The following GALNT15 variants were observed in gnomAD, a reference collection of about 807,000 sequenced individuals.
GALNT15 encodes the protein UDP-GalNAc transferase T15.
GALNT15 carries 67 observed loss-of-function variants against 66.8 expected under a neutral mutation model. The observed-to-expected ratio is 1.00, with a 90% CI of 0.82 to 1.23. GALNT15 has a LOEUF of 1.23. GALNT15 is among the 50% of genes most tolerant of loss of function. The pLI is 0.00. For synonymous variants in GALNT15, 313 were observed against 311.5 expected (o/e 1.00, Z -0.05); for missense variants, 827 against 804.3 (o/e 1.03, Z -0.34).
chr3:16,229,030 C>G lies in GALNT15; in HGVS notation c.*1530C>G. On this transcript the variant is annotated 3_prime_UTR_variant, in exon 10 of 10. Transcript: ENST00000339732. Reference sequence around the variant, plus strand: ...GTTCTGCTATTTAATAAACAGCATTCATATTCATTTTTCCCCAGATGGAGT... The same window carrying G: ...GTTCTGCTATTTAATAAACAGCATTGATATTCATTTTTCCCCAGATGGAGT... 2 of 985,432 alleles carry G rather than the reference C, an allele frequency of 2.0e-6. No individual in the cohort carries two copies. Among genetic ancestry groups the G allele is most frequent in the Non-Finnish European group, 2.4e-6 (2 of 829,940 alleles). 61.0% of individuals were successfully genotyped at this position (985,432 alleles called of 1,614,324 possible).
intron 9 of GALNT15, among the ~76,000 whole-genome samples, chr3:16,226,647 A>G (rs1430890547): frequency 6.6e-6 from 1 of 152,208 alleles, no homozygotes; most frequent in East Asian, 1.9e-4. Flanking sequence ...ATCACCTCCC[A>G]CCAGGCCCCT....
At position 16,219,427 on chromosome 3, in the gene GALNT15, C is replaced by G. The variant is rs151035454; in HGVS notation, c.1417C>G (p.Arg473Gly). 1 of 1,614,130 alleles carries G rather than the reference C, an allele frequency of 6.2e-7. No individual in the cohort carries two copies. Among genetic ancestry groups the G allele is most frequent in the Non-Finnish European group, 8.5e-7 (1 of 1,179,990 alleles). ...GGCTGAGAAGCCAGACTGCATGGAA[C>G]GCTTGCAGCTGCAAAGGAGACTGGG... ...SKAEKPDCMERLQLQRRLGCR... is the reference protein window; with the variant it reads ...SKAEKPDCMEGLQLQRRLGCR... The change falls in exon 7 of 10, where the codon CGC becomes GGC. Residue 473 changes from arginine (R) to glycine (G), a missense_variant. Coordinates refer to ENST00000339732, the MANE Select transcript of GALNT15 (RefSeq NM_054110.5). This position sits in a 1 kb window ranked among gnomAD's most constrained non-coding sequence, Gnocchi z 4.3.
chr3:16,195,634 G>A lies in GALNT15; in HGVS notation c.540-126G>A, dbSNP rs910842799. On this transcript the variant is annotated intron_variant, in intron 1 of 9. Coordinates refer to ENST00000339732, the MANE Select transcript of GALNT15 (RefSeq NM_054110.5). The surrounding 1 kb of genome is among the most constrained non-coding windows in gnomAD (Gnocchi z 4.6). ...GGTTCTTTTTATATGGGAATTTTAA[G>A]AGATCCCATAGGACAGCCATATAAT... is the stretch of plus-strand genomic sequence containing the variant. 7 of 688,696 alleles carry A rather than the reference G, an allele frequency of 1.0e-5. No homozygotes were observed. The highest frequency in any genetic ancestry group is 2.8e-5 in the Admixed American group (1 of 36,252). 42.7% of individuals were successfully genotyped at this position (688,696 alleles called of 1,614,324 possible). A position where few individuals can be genotyped will look rare whatever the true frequency, so the allele number is the denominator to read the frequency against.
Position 16,208,557 on chromosome 3 carries a change from T to C in GALNT15, c.966T>C (p.Tyr322=), listed in dbSNP as rs1271803841. The stretch of plus-strand genomic sequence containing the variant: ...TGATTGACTGGAAGACTTTCCAGTA[T>C]TACCCCTCAAAGGACCTGCAGCGTG... The part of the protein sequence containing the change: ...IDVIDWKTFQ[Y]YPSKDLQRGV... The change falls in exon 4 of 10, where the codon TAT becomes TAC. Residue 322 remains tyrosine (Y), a synonymous_variant. Transcript: ENST00000339732. The C allele has an allele frequency of 6.2e-7, 1 of 1,614,130 alleles. No homozygotes were observed. The highest frequency in any genetic ancestry group is 1.7e-5 in the Admixed American group (1 of 60,022).
rs2063808184 is a variant in GALNT15, at chr3:16,211,062, C to G, written c.1080-62C>G. 1.6e-6 allele frequency: 2 copies of G among 1,277,064 alleles called. No individual in the cohort carries two copies. Among genetic ancestry groups the G allele is most frequent in the Non-Finnish European group, 2.3e-6 (2 of 877,628 alleles). The allele number at this position is 1,277,064 out of a possible 1,614,324, so 79.1% of individuals were successfully genotyped here. ...CTCCCACCTGGGAAGCCCCAGCCCC[C>G]AGCCTCGCCTGCTGTGCTCTGGGTT... On this transcript the variant is annotated intron_variant, in intron 4 of 9. Coordinates refer to ENST00000339732, the MANE Select transcript of GALNT15 (RefSeq NM_054110.5). This position sits in a 1 kb window ranked among gnomAD's most constrained non-coding sequence, Gnocchi z 4.3.
downstream of GALNT15, among the ~76,000 whole-genome samples, chr3:16,230,872 C>A (rs533326640): frequency 2.6e-5 from 4 of 152,284 alleles, 1 homozygote; most frequent in African/African-American, 9.6e-5. The surrounding 1 kb of genome is among the most constrained non-coding windows in gnomAD (Gnocchi z 4.5). Context: ...TTCCAGAATT[C>A]TAGACCCCTC....
rs896271130 is a variant in GALNT15 at position 16,189,877 on chromosome 3, G to A, written c.540-5883G>A. Among the ~76,000 whole-genome samples, 4 of 152,224 alleles carry A rather than the reference G, an allele frequency of 2.6e-5. No individual in the cohort carries two copies. The highest frequency in any genetic ancestry group is 2.1e-4 in the South Asian group (1 of 4,832). The stretch of plus-strand genomic sequence containing the variant: ...TGAGAAATGAGAATTAGTGACTGAA[G>A]TATAACTGAGTCTGTTGGTCTGGAG... On this transcript the variant is annotated intron_variant, in intron 1 of 9. Coordinates refer to ENST00000339732, the MANE Select transcript of GALNT15 (RefSeq NM_054110.5). This position sits in a 1 kb window ranked among gnomAD's most constrained non-coding sequence, Gnocchi z 5.1.
At chr3:16,233,999 C>A (rs1426944681), downstream of GALNT15, among the ~76,000 whole-genome samples, 1 of 152,132 alleles carries the variant, frequency 6.6e-6, no homozygotes, top group Non-Finnish European at 1.5e-5. Flanking sequence ...TTCATAGAGG[C>A]AAGTATAGGG....
intron 6 of GALNT15, 61 bp downstream of exon 6, chr3:16,212,824 C>T: frequency 7.0e-7 from 1 of 1,433,182 alleles, no homozygotes; most frequent in Non-Finnish European, 9.6e-7. Flanking sequence ...AGGAGGTGGG[C>T]CAGGGAGGGC....
In GALNT15 at chr3:16,188,389, T is replaced by C. The variant is rs2063539320; in HGVS notation, c.540-7371T>C. ...TGGATTAGTGGTCAACATTTAAAAA[T>C]TAAGATATTTCCCAGAAACAGTTCA... is the stretch of plus-strand genomic sequence containing the variant. On this transcript the variant is annotated intron_variant, in intron 1 of 9. Coordinates refer to ENST00000339732, the MANE Select transcript of GALNT15 (RefSeq NM_054110.5). The surrounding 1 kb of genome is among the most constrained non-coding windows in gnomAD (Gnocchi z 4.6). 6.6e-6 allele frequency among the ~76,000 whole-genome samples: 1 copy of C among 152,178 alleles called. No homozygotes were observed. The highest frequency in any genetic ancestry group is 1.5e-5 in the Non-Finnish European group (1 of 68,032).
chr3:16,195,904 C>G lies in GALNT15; in HGVS notation c.684C>G (p.Leu228=). ...VPRAFLKEII[L]VDDLSQQGQL... is the part of the protein sequence containing the mutation. Reference sequence around the variant, plus strand: ...GGGCCTTCCTGAAGGAGATCATCCTCGTGGACGACCTCAGCCAGCAAGGTA... The same window carrying G: ...GGGCCTTCCTGAAGGAGATCATCCTGGTGGACGACCTCAGCCAGCAAGGTA... The change falls in exon 2 of 10, where the codon CTC becomes CTG. Residue 228 remains leucine (L), a synonymous_variant. Transcript: ENST00000339732. The surrounding 1 kb of genome is among the most constrained non-coding windows in gnomAD (Gnocchi z 4.6). The G allele has an allele frequency of 6.2e-7, 1 of 1,614,108 alleles. No homozygotes were observed. Among genetic ancestry groups the G allele is most frequent in the African/African-American group, 1.3e-5 (1 of 75,050 alleles).
the GALNT15 span, among the ~76,000 whole-genome samples, chr3:16,242,640 A>G: frequency 0.45 from 68,758 of 151,788 alleles, 15,865 homozygotes; most frequent in East Asian, 0.66. The surrounding 1 kb of genome is among the most constrained non-coding windows in gnomAD (Gnocchi z 5.6). Context: ...ATACCTAGGC[A>G]TTGTAGCACA....
chr3:16,232,469 AATATATATATATATATATATATAT>A (rs374444719), downstream of GALNT15, among the ~76,000 whole-genome samples: 51 of 38,754 alleles, frequency 1.3e-3, 5 homozygotes, highest in South Asian at 0.048. Flanking sequence ...TAAATAAATA[AATATATATATATATATATATATAT>A]ATATATATAT....
intron 6 of GALNT15, among the ~76,000 whole-genome samples, chr3:16,215,799 G>T (rs1033269179): frequency 4.0e-5 from 6 of 151,602 alleles, no homozygotes; most frequent in African/African-American, 1.5e-4. Flanking sequence ...AGTCACAGGT[G>T]CTCAGGAGGC....
rs561019752 is a variant in GALNT15 at position 16,195,603 on chromosome 3, G to A, written c.540-157G>A. Among the ~76,000 whole-genome samples, 12 of 152,302 alleles carry A rather than the reference G, an allele frequency of 7.9e-5. No homozygotes were observed. The highest frequency in any genetic ancestry group is 2.1e-4 in the South Asian group (1 of 4,818). On this transcript the variant is annotated intron_variant, in intron 1 of 9. Coordinates refer to ENST00000339732, the MANE Select transcript of GALNT15 (RefSeq NM_054110.5). The surrounding 1 kb of genome is among the most constrained non-coding windows in gnomAD (Gnocchi z 4.6). ...ATAGTAGACAGCACCACTATGAGGC[G>A]TAACAGGTTCTTTTTATATGGGAAT...
Position 16,230,078 on chromosome 3 carries a change from C to T in GALNT15, c.*2578C>T, listed in dbSNP as rs1459391646. Among the ~76,000 whole-genome samples, 1 of 152,050 alleles carries T rather than the reference C, an allele frequency of 6.6e-6. No individual in the cohort carries two copies. Among genetic ancestry groups the T allele is most frequent in the African/African-American group, 2.4e-5 (1 of 41,384 alleles). On this transcript the variant is annotated 3_prime_UTR_variant, in exon 10 of 10. Transcript: ENST00000339732. The surrounding 1 kb of genome is among the most constrained non-coding windows in gnomAD (Gnocchi z 4.5). ...ACTTGTCAGTTGAGAGATCTGATTC[C>T]CAAGAGATTGGTTTCACTTGTCTAC...
chr3:16,194,172 G>A (rs947335787), intron 1 of GALNT15, among the ~76,000 whole-genome samples: 1 of 152,174 alleles, frequency 6.6e-6, no homozygotes, highest in Non-Finnish European at 1.5e-5. Context: ...TTCCTTATCT[G>A]TAAAATGGGA....
chr3:16,208,623 G>GC lies in GALNT15; in HGVS notation c.1034dup (p.Glu346ArgfsTer38). ...AGCTGGATTTCCACTGGGAACCTTT[G>GC]CCAGAGCATGTGAGGAAGGCCCTCC... On this transcript the variant is annotated frameshift_variant, in exon 4 of 10. Coordinates refer to ENST00000339732, the MANE Select transcript of GALNT15 (RefSeq NM_054110.5). LOFTEE classifies it high-confidence loss of function. The GC allele has an allele frequency of 8.1e-6, 13 of 1,614,080 alleles. No homozygotes were observed. The highest frequency in any genetic ancestry group is 1.0e-5 in the Non-Finnish European group (12 of 1,180,006).
chr3:16,205,086 C>T (rs2063743563), intron 3 of GALNT15, among the ~76,000 whole-genome samples: 1 of 152,240 alleles, frequency 6.6e-6, no homozygotes, highest in African/African-American at 2.4e-5. Flanking sequence ...GTACTTCATA[C>T]CCTTCAGCAT....
Sources: allele counts gnomAD v4.1 joint callset (sites outside exome capture counted in the v4.1 genomes callset), GRCh38; gene constraint gnomAD v4.1.1; non-coding constraint Gnocchi (gnomAD v3.1); transcripts MANE v1.5; gene names NCBI Gene and HGNC (gene_info 2026-07-23, HGNC 2026-07-21).